Variants in KAZN observed in about 807,000 individuals in gnomAD.
KAZN encodes the protein kazrin, periplakin interacting protein.
A neutral mutation model predicts 87.4 loss-of-function variants in KAZN; 40 were observed. That is an observed-to-expected ratio of 0.46 (90% CI 0.36 to 0.60). The LOEUF (loss-of-function observed/expected upper bound fraction) is 0.60. Among genes scored for constraint, KAZN ranks in the 20% least tolerant of loss-of-function variants. The pLI, the probability that KAZN is intolerant of heterozygous loss-of-function variation, is 0.00. For missense variants in KAZN, 898 were observed against 1,073.9 expected (o/e 0.84, Z 2.29); for synonymous variants, 466 against 458.3 (o/e 1.02, Z -0.22).
intron 2 of KAZN, among the ~76,000 whole-genome samples, chr1:14,582,708 GTA>G (rs1028438087): frequency 1.3e-5 from 2 of 152,146 alleles, no homozygotes; most frequent in African/African-American, 4.8e-5. Context: ...TGAGACTCTT[GTA>G]TTGTGAACTG....
chr1:14,566,081 G>A (rs990133824), intron 2 of KAZN, among the ~76,000 whole-genome samples: 1 of 152,214 alleles, frequency 6.6e-6, no homozygotes, highest in Non-Finnish European at 1.5e-5. Context: ...AGGCCCATCA[G>A]AGGAATTACT....
intron 1 of KAZN, among the ~76,000 whole-genome samples, chr1:14,720,352 C>A (rs573612839): frequency 6.6e-6 from 1 of 152,342 alleles, no homozygotes; most frequent in African/African-American, 2.4e-5. Context: ...ATCCCAAATA[C>A]CTCCAAGTCC....
chr1:15,072,132 A>G (rs1265900200), intron 8 of KAZN, among the ~76,000 whole-genome samples: 4 of 152,122 alleles, frequency 2.6e-5, no homozygotes, highest in African/African-American at 9.7e-5. Flanking sequence ...ACCTCAGTGT[A>G]CTCATCTGTA....
At chr1:14,061,698 G>A (rs769911820) in intron 1 of KAZN, among the ~76,000 whole-genome samples, 12 of 152,182 alleles carry the variant, frequency 7.9e-5, no homozygotes, top group Non-Finnish European at 1.6e-4. Flanking sequence ...TTTCATCACA[G>A]TACTCTTGTT....
In KAZN at chr1:14,681,393, C is replaced by T. The variant is rs1433132386; in HGVS notation, c.226+82170C>T. Among the ~76,000 whole-genome samples, 4 of 151,710 alleles carry T rather than the reference C, an allele frequency of 2.6e-5. 1 individual carries two copies. Among genetic ancestry groups the T allele is most frequent in the Admixed American group, 2.6e-4 (4 of 15,236 alleles). On this transcript the variant is annotated intron_variant, in intron 1 of 14. Coordinates refer to ENST00000376030, the MANE Select transcript of KAZN (RefSeq NM_201628.3). ...ATTTCTCCTGGGTAAATATCTAGGA[C>T]TGGAATGGTGAGGTTGCCCGTGGGT...
intron 2 of KAZN, among the ~76,000 whole-genome samples, chr1:14,538,553 C>A (rs978180550): frequency 2.0e-5 from 3 of 152,140 alleles, no homozygotes; most frequent in Non-Finnish European, 4.4e-5. Flanking sequence ...GAAGGACAGC[C>A]TCTTTCATAA....
chr1:14,295,908 C>A (rs1003475083), intron 2 of KAZN, among the ~76,000 whole-genome samples: 3 of 152,164 alleles, frequency 2.0e-5, no homozygotes, highest in Admixed American at 2.0e-4. Context: ...ATACTCCATG[C>A]ATAGGAACTA....
At chr1:14,316,450 C>G (rs1407012857) in intron 2 of KAZN, among the ~76,000 whole-genome samples, 1 of 151,754 alleles carries the variant, frequency 6.6e-6, no homozygotes, top group Admixed American at 6.6e-5. Context: ...TGTCTTCTCC[C>G]TTTGTTACTT....
chr1:14,522,623 C>T (rs1027294530), intron 2 of KAZN, among the ~76,000 whole-genome samples: 1 of 152,156 alleles, frequency 6.6e-6, no homozygotes, highest in African/African-American at 2.4e-5. Context: ...TGGGTGTTGA[C>T]GTGGACTGCC....
At chr1:14,909,019 C>A (rs865946661) in intron 1 of KAZN, among the ~76,000 whole-genome samples, 1 of 152,228 alleles carries the variant, frequency 6.6e-6, no homozygotes, top group South Asian at 2.1e-4. Flanking sequence ...AGCCAGAACA[C>A]CTGGTCCAGA....
intron 1 of KAZN, among the ~76,000 whole-genome samples, chr1:14,849,344 C>T (rs1223570990): frequency 6.6e-6 from 1 of 152,178 alleles, no homozygotes; most frequent in Non-Finnish European, 1.5e-5. Context: ...TTCTAATCAT[C>T]GTCATCCTCA....
chr1:14,495,385 T>C (rs1407836120), intron 2 of KAZN, among the ~76,000 whole-genome samples: 2 of 152,166 alleles, frequency 1.3e-5, no homozygotes, highest in South Asian at 2.1e-4. Flanking sequence ...GGGCAGGGGC[T>C]CCTGGTTCTA....
intron 2 of KAZN, among the ~76,000 whole-genome samples, chr1:14,428,062 A>C (rs965158259): frequency 6.6e-6 from 1 of 152,196 alleles, no homozygotes; most frequent in African/African-American, 2.4e-5. Context: ...GTCACATTCT[A>C]TGTAAGTCTC....
At chr1:14,845,849 A>T (rs1159895937) in intron 1 of KAZN, among the ~76,000 whole-genome samples, 2 of 152,108 alleles carry the variant, frequency 1.3e-5, no homozygotes, top group African/African-American at 4.8e-5. Flanking sequence ...TCAGACCTCG[A>T]GGCAAGTCGG....
intron 2 of KAZN, among the ~76,000 whole-genome samples, chr1:15,013,489 C>T (rs1244688570): frequency 1.3e-5 from 2 of 152,178 alleles, no homozygotes; most frequent in Non-Finnish European, 2.9e-5. Context: ...CACGGTGGCT[C>T]ATGCCTGTAA....
rs1386076929 is a variant in KAZN at position 15,099,426 on chromosome 1, A to G, written c.1548-2117A>G. ...AGCTTTGAAGGAAAGCACTAGGGAC[A>G]GTAAGCAGACTTGGGGGCAACTTCA... is the stretch of plus-strand genomic sequence containing the variant. On this transcript the variant is annotated intron_variant, in intron 10 of 14. Coordinates refer to ENST00000376030, the MANE Select transcript of KAZN (RefSeq NM_201628.3). This position sits in a 1 kb window ranked among gnomAD's most constrained non-coding sequence, Gnocchi z 5.4. Among the ~76,000 whole-genome samples the G allele has an allele frequency of 1.3e-5, 2 of 152,260 alleles. No homozygotes were observed. The highest frequency in any genetic ancestry group is 2.9e-5 in the Non-Finnish European group (2 of 68,044).
intron 1 of KAZN, among the ~76,000 whole-genome samples, chr1:14,088,815 TGAA>T (rs1192933887): frequency 6.6e-6 from 1 of 152,054 alleles, no homozygotes; most frequent in Non-Finnish European, 1.5e-5. Context: ...TGTTCTTTTA[TGAA>T]GTCCATGCAC....
chr1:13,943,369 C>G (rs1476691858), intron 1 of KAZN, among the ~76,000 whole-genome samples: 1 of 152,028 alleles, frequency 6.6e-6, no homozygotes, highest in African/African-American at 2.4e-5. Flanking sequence ...CTTTGGGAGG[C>G]TGAGGTGGGA....
chr1:14,418,413 G>A (rs1006515076), intron 2 of KAZN, among the ~76,000 whole-genome samples: 13 of 152,166 alleles, frequency 8.5e-5, no homozygotes, highest in Admixed American at 5.2e-4. Flanking sequence ...AAGCACTCAG[G>A]AAACAGTGGC....
Sources: allele counts gnomAD v4.1 joint callset (sites outside exome capture counted in the v4.1 genomes callset), GRCh38; gene constraint gnomAD v4.1.1; non-coding constraint Gnocchi (gnomAD v3.1); transcripts MANE v1.5; gene names NCBI Gene and HGNC (gene_info 2026-07-23, HGNC 2026-07-21).